PRKCD: variants seen among roughly 807,000 people sequenced by gnomAD.
The protein encoded by PRKCD is protein kinase C delta type.
Under a neutral mutation model 82.2 loss-of-function variants are expected in PRKCD, and 20 were observed. The ratio of observed to expected loss-of-function variants is 0.24; its 90% CI spans 0.17 to 0.35. The LOEUF is 0.35. Ranked by LOEUF, PRKCD falls within the 10% of genes least tolerant of loss-of-function variation. PRKCD has a pLI of 1.00. For missense variants in PRKCD, 607 were observed against 899.0 expected (o/e 0.68, Z 4.15); for synonymous variants, 317 against 337.0 (o/e 0.94, Z 0.65).
At chr3:53,168,449 T>C (rs1288517322) in intron 2 of PRKCD, among the ~76,000 whole-genome samples, 1 of 151,326 alleles carries the variant, frequency 6.6e-6, no homozygotes, top group Non-Finnish European at 1.5e-5. Flanking sequence ...GAGCGAAAGG[T>C]GGATGGGCCT....
chr3:53,161,612 G>C (rs1182269637), intron 1 of PRKCD, 184 bp downstream of exon 1: 7 of 151,496 alleles, frequency 4.6e-5, no homozygotes, highest in African/African-American at 1.7e-4. Flanking sequence ...GTGTCCCTCC[G>C]CTAGACAGTG....
intron 6 of PRKCD, 41 bp from the exon 7 acceptor site, chr3:53,181,660 C>T (rs782577899): frequency 3.1e-5 from 50 of 1,612,404 alleles, no homozygotes; most frequent in Admixed American, 6.7e-5. Flanking sequence ...GGGCCGATCC[C>T]GGTCCCCGCT....
At chr3:53,185,767 C>T in intron 11 of PRKCD, 67 bp downstream of exon 11, 2 of 1,557,256 alleles carry the variant, frequency 1.3e-6, no homozygotes, top group Non-Finnish European at 1.8e-6. Flanking sequence ...GGGGACTGTC[C>T]TCCCTTCCAT....
intron 7 of PRKCD, chr3:53,181,981 C>T (rs1238716120): frequency 2.9e-6 from 2 of 680,322 alleles, no homozygotes; most frequent in Admixed American, 4.1e-5. Flanking sequence ...CAATTGGGCA[C>T]AGTAGAGTAT....
chr3:53,177,766 A>G (rs1703260553), intron 2 of PRKCD, among the ~76,000 whole-genome samples: 1 of 151,928 alleles, frequency 6.6e-6, no homozygotes, highest in African/African-American at 2.4e-5. Flanking sequence ...AAATGCCACC[A>G]GGGCCCAGGT....
chr3:53,167,038 G>A (rs989942437), intron 2 of PRKCD, among the ~76,000 whole-genome samples: 2 of 152,258 alleles, frequency 1.3e-5, no homozygotes, highest in Non-Finnish European at 2.9e-5. Context: ...AGGGAGTGGA[G>A]TTGCTGGGCT....
rs782660246 is a variant in PRKCD at position 53,165,139 on chromosome 3, C to T, written c.-96C>T. Reference sequence around the variant, plus strand: ...AACTGGCCAGGCAAGGGGGCAGGCCCGTTTCTCCTGGTGGTTGGTGCGTTG... The same window carrying T: ...AACTGGCCAGGCAAGGGGGCAGGCCTGTTTCTCCTGGTGGTTGGTGCGTTG... On this transcript the variant is annotated 5_prime_UTR_variant, in exon 2 of 19. Transcript: ENST00000330452. 6.6e-6 allele frequency: 1 copy of T among 152,256 alleles called. No homozygotes were observed. Among genetic ancestry groups the T allele is most frequent in the East Asian group, 1.9e-4 (1 of 5,194 alleles). The allele number at this position is 152,256 out of a possible 1,614,324, so 9.4% of individuals were successfully genotyped here.
Position 53,189,931 on chromosome 3 carries a change from C to G in PRKCD, c.1802C>G (p.Pro601Arg), listed in dbSNP as rs781792221. ...GTGACCGGAAACATCAAAATCCACC[C>G]CTTCTTCAAGACCATAAACTGGACT... Reference protein sequence around the residue: ...LGVTGNIKIHPFFKTINWTLL... With the variant: ...LGVTGNIKIHRFFKTINWTLL... Residue 601 changes from proline to arginine, a missense_variant, in exon 18 of 19, where the codon CCC becomes CGC. Around this residue, in one of 5 missense-constraint regions of PRKCD, gnomAD observed 251 missense variants for 423.9 expected, o/e 0.59. Coordinates refer to ENST00000330452, the MANE Select transcript of PRKCD (RefSeq NM_006254.4). 6.2e-7 allele frequency: 1 copy of G among 1,614,168 alleles called. No individual in the cohort carries two copies. The highest frequency in any genetic ancestry group is 2.2e-5 in the East Asian group (1 of 44,884).
intron 2 of PRKCD, among the ~76,000 whole-genome samples, chr3:53,167,848 A>C (rs554261884): frequency 6.6e-6 from 1 of 152,184 alleles, no homozygotes; most frequent in Non-Finnish European, 1.5e-5. Context: ...ATCCCCCTCA[A>C]TTCTACCTCC....
Position 53,163,088 on chromosome 3 carries a change from C to T in PRKCD, c.-132+1660C>T, listed in dbSNP as rs531096489. 6.1e-5 allele frequency among the ~76,000 whole-genome samples: 9 copies of T among 147,282 alleles called. No homozygotes were observed. In the South Asian group the frequency reaches 1.1e-3, roughly 18 times the overall value. On this transcript the variant is annotated intron_variant, in intron 1 of 18. Coordinates refer to ENST00000330452, the MANE Select transcript of PRKCD (RefSeq NM_006254.4). The stretch of plus-strand genomic sequence containing the variant: ...TGTGATATGTGTGGTTGTGTGTGTG[C>T]GTGTGTGTGTGACAGAGAGGTGTGG...
rs781863768 is a variant in PRKCD at position 53,185,980 on chromosome 3, A to G, written c.1039A>G (p.Asn347Asp). The G allele has an allele frequency of 1.9e-6, 3 of 1,614,202 alleles. No homozygotes were observed. Among genetic ancestry groups the G allele is most frequent in the Non-Finnish European group, 2.5e-6 (3 of 1,180,032 alleles). ...GGAGGGCAGCAGCAAGTGCAACATC[A>G]ACAACTTCATCTTCCACAAGGTCCT... Reference protein sequence around the residue: ...IWEGSSKCNINNFIFHKVLGK... With the variant: ...IWEGSSKCNIDNFIFHKVLGK... The change falls in exon 12 of 19, where the codon AAC (asparagine) becomes GAC (aspartate). Residue 347 changes from asparagine to aspartate, a missense_variant. Transcript: ENST00000330452.
chr3:53,179,411 A>C (rs782007994), intron 3 of PRKCD, 166 bp from the exon 4 acceptor site: 2 of 844,044 alleles, frequency 2.4e-6, no homozygotes, highest in Non-Finnish European at 4.1e-6. Context: ...GGGAGGACCT[A>C]GCAGGGTGCC....
chr3:53,175,295 G>A (rs145577088), intron 2 of PRKCD, among the ~76,000 whole-genome samples: 3 of 152,284 alleles, frequency 2.0e-5, no homozygotes, highest in Admixed American at 6.5e-5. Context: ...TGGGGGATGC[G>A]AGTGCGCTTT....
intron 2 of PRKCD, among the ~76,000 whole-genome samples, chr3:53,172,958 C>G (rs1021264490): frequency 2.0e-5 from 3 of 152,188 alleles, no homozygotes; most frequent in Non-Finnish European, 4.4e-5. Context: ...AGCCAGGGAA[C>G]CTCACTGCAG....
chr3:53,167,320 G>C (rs1553664038), intron 2 of PRKCD, among the ~76,000 whole-genome samples: 1 of 152,206 alleles, frequency 6.6e-6, no homozygotes. Context: ...CTTTTTGGGG[G>C]GCTCTAGGAG....
At chr3:53,184,031 T>C (rs111286902) in intron 9 of PRKCD, among the ~76,000 whole-genome samples, 1 of 152,190 alleles carries the variant, frequency 6.6e-6, no homozygotes, top group African/African-American at 2.4e-5. Flanking sequence ...TTTTCCTTTT[T>C]CTTTAAATCA....
In PRKCD at chr3:53,189,377, G is replaced by A. The variant is rs976907144; in HGVS notation, c.1743+131G>A. On this transcript the variant is annotated intron_variant, in intron 17 of 18. Transcript: ENST00000330452. ...CAGTGGTGCTGCAGTCCTAACATAC[G>A]GGGTATTGCTCTCTCACCATGTTCC... The A allele has an allele frequency of 1.9e-5, 18 of 971,796 alleles. No homozygotes were observed. In the African/African-American group the frequency reaches 2.8e-4, roughly 15 times the overall value. The allele number at this position is 971,796 out of a possible 1,614,324, so 60.2% of individuals were successfully genotyped here.
rs577091267 is a variant in PRKCD, at chr3:53,181,183, C to G, written c.316-24C>G. ...AGGCTGCCCTCACTGACCTTGTTCT[C>G]CCCTGGCCTCTGGCCCCCAACAGCT... On this transcript the variant is annotated intron_variant, in intron 4 of 18. Coordinates refer to ENST00000330452, the MANE Select transcript of PRKCD (RefSeq NM_006254.4). The G allele has an allele frequency of 2.3e-4, 363 of 1,611,222 alleles. 4 individuals carry two copies. The South Asian group carries it at 3.4e-3, about 15-fold the overall frequency.
intron 2 of PRKCD, among the ~76,000 whole-genome samples, chr3:53,170,829 C>T (rs3773729): frequency 0.56 from 84,862 of 152,104 alleles, 25,669 homozygotes; most frequent in East Asian, 0.75. Flanking sequence ...GTGTGTACAT[C>T]ACAGCTTGTG....
Sources: allele counts gnomAD v4.1 joint callset (sites outside exome capture counted in the v4.1 genomes callset), GRCh38; gene constraint gnomAD v4.1.1; regional missense constraint gnomAD v4.1.1; transcripts MANE v1.5; gene names NCBI Gene and HGNC (gene_info 2026-07-23, HGNC 2026-07-21).